FAM171A1: variants seen among roughly 807,000 people sequenced by gnomAD.
The protein encoded by FAM171A1 is protein FAM171A1.
In FAM171A1, 23 loss-of-function variants were observed where a neutral mutation model predicts 74.9. The ratio of observed to expected loss-of-function variants is 0.31; its 90% confidence interval spans 0.22 to 0.44. The LOEUF (loss-of-function observed/expected upper bound fraction) is 0.44, where lower values mean the gene tolerates loss of function less well. FAM171A1 is among the 20% of genes least tolerant of loss of function. The pLI is 1.00. For synonymous variants in FAM171A1, 527 were observed against 505.7 expected (o/e 1.04, Z -0.57); for missense variants, 1,162 against 1,159.2 (o/e 1.00, Z -0.03).
In FAM171A1 at chr10:15,359,475, C is replaced by T. The variant is rs74664481; in HGVS notation, c.97+11481G>A. Among the ~76,000 whole-genome samples the T allele has an allele frequency of 4.3e-3, 649 of 152,198 alleles. 2 individuals are homozygous for T. Among genetic ancestry groups the T allele is most frequent in the African/African-American group, 0.015 (611 of 41,514 alleles). On this transcript the variant is annotated intron_variant, in intron 1 of 7. Transcript: ENST00000378116. ...TCCTCCTTCTCAACATCCTCAAGGG[C>T]AGAGAAATGGGCCTCCCGGTACCCT...
At chr10:15,273,270 G>A (rs1270396519) in intron 3 of FAM171A1, among the ~76,000 whole-genome samples, 1 of 152,168 alleles carries the variant, frequency 6.6e-6, no homozygotes, top group Non-Finnish European at 1.5e-5. Context: ...ACAGCTCTAT[G>A]CAAATAAACT....
intron 3 of FAM171A1, among the ~76,000 whole-genome samples, chr10:15,272,259 C>G (rs1336339736): frequency 6.6e-6 from 1 of 152,074 alleles, no homozygotes; most frequent in East Asian, 1.9e-4. Flanking sequence ...TCTGATAAAA[C>G]AGACTTTAAA....
At chr10:15,340,381 G>C (rs1835751690) in intron 1 of FAM171A1, among the ~76,000 whole-genome samples, 1 of 152,154 alleles carries the variant, frequency 6.6e-6, no homozygotes, top group Admixed American at 6.5e-5. Flanking sequence ...CTGCCTAAAA[G>C]GCTTTGCTCA....
At position 15,286,903 on chromosome 10, in the gene FAM171A1, T is replaced by C. The variant is rs190854820; in HGVS notation, c.98-2798A>G. Among the ~76,000 whole-genome samples, 111 of 152,270 alleles carry C rather than the reference T, an allele frequency of 7.3e-4. 2 individuals carry two copies. In the East Asian group the frequency reaches 0.021, roughly 29 times the overall value. The stretch of plus-strand genomic sequence containing the variant: ...TACCAAATAAATCTCTTAAAATGTT[T>C]TAGCAAGAACAAATAAATGCTACAG... On this transcript the variant is annotated intron_variant, in intron 1 of 7. Coordinates refer to ENST00000378116, the MANE Select transcript of FAM171A1 (RefSeq NM_001010924.2).
intron 3 of FAM171A1, among the ~76,000 whole-genome samples, chr10:15,266,983 C>A (rs1269594558): frequency 1.3e-5 from 2 of 152,114 alleles, no homozygotes; most frequent in East Asian, 1.9e-4. Flanking sequence ...CAGGAAGGGA[C>A]AGAAAGAACT....
At chr10:15,306,468 G>A (rs889997913) in intron 1 of FAM171A1, among the ~76,000 whole-genome samples, 8 of 151,884 alleles carry the variant, frequency 5.3e-5, no homozygotes, top group African/African-American at 9.7e-5. Context: ...GGGTTCAAGC[G>A]ATTCTCCTGA....
chr10:15,360,663 C>T (rs570156424), intron 1 of FAM171A1, among the ~76,000 whole-genome samples: 1 of 152,220 alleles, frequency 6.6e-6, no homozygotes, highest in African/African-American at 2.4e-5. Flanking sequence ...AGTTATCACA[C>T]GGATAAGCAG....
intron 5 of FAM171A1, among the ~76,000 whole-genome samples, chr10:15,224,843 C>T (rs1477875644): frequency 1.3e-5 from 2 of 152,080 alleles, no homozygotes; most frequent in African/African-American, 4.8e-5. Flanking sequence ...TAATACAGTC[C>T]CCAACCCCCT....
Position 15,371,255 on chromosome 10 carries a change from G to A in FAM171A1, c.-203C>T, listed in dbSNP as rs1422211393. 6.9e-6 allele frequency among the ~76,000 whole-genome samples: 1 copy of A among 143,994 alleles called. No homozygotes were observed. Among genetic ancestry groups the A allele is most frequent in the Non-Finnish European group, 1.5e-5 (1 of 65,050 alleles). 94.5% of individuals were successfully genotyped at this position (143,994 alleles called of 152,430 possible). ...TTCCCCGAAGAGCCGCGGCGGCGGC[G>A]GCGGCGGCGGCTGCTGCTGCTCCGC... On this transcript the variant is annotated 5_prime_UTR_variant, in exon 1 of 8. Transcript: ENST00000378116.
chr10:15,317,503 T>G (rs542364858), intron 1 of FAM171A1, among the ~76,000 whole-genome samples: 1 of 152,180 alleles, frequency 6.6e-6, no homozygotes, highest in African/African-American at 2.4e-5. Flanking sequence ...CAAGCGACTC[T>G]CCTGCCTCAG....
intron 1 of FAM171A1, among the ~76,000 whole-genome samples, chr10:15,334,570 T>G (rs1205395858): frequency 6.6e-6 from 1 of 152,072 alleles, no homozygotes; most frequent in Non-Finnish European, 1.5e-5. Context: ...TCAACATGGG[T>G]TTCCCAAACT....
chr10:15,328,861 G>A (rs896095957), intron 1 of FAM171A1, among the ~76,000 whole-genome samples: 4 of 152,112 alleles, frequency 2.6e-5, no homozygotes, highest in Non-Finnish European at 5.9e-5. Context: ...CTCACTATCA[G>A]TATGGACATC....
intron 1 of FAM171A1, among the ~76,000 whole-genome samples, chr10:15,355,151 C>G: frequency 6.6e-6 from 1 of 152,228 alleles, no homozygotes; most frequent in South Asian, 2.1e-4. Flanking sequence ...GTGGCAGAAT[C>G]ATGGTTCACT....
At position 15,284,044 on chromosome 10, in the gene FAM171A1, G is replaced by A. The variant is rs3740127; in HGVS notation, c.159C>T (p.Leu53=). The A allele has an allele frequency of 9.1e-4, 1,465 of 1,614,026 alleles. 69 individuals carry two copies. In the East Asian group the frequency reaches 0.032, roughly 35 times the overall value. The change falls in exon 2 of 8, where the codon CTC becomes CTT. Residue 53 remains leucine, a synonymous_variant. Transcript: ENST00000378116. ...AGGCCTGGTTGGTGAAGATCTCGAT[G>A]AGCGCATCTGCTACGGGCTGGTGGG... The part of the protein sequence containing the change: ...ASTHQPVADA[L]IEIFTNQASI...
rs529830750 is a variant in FAM171A1 at position 15,213,962 on chromosome 10, C to T, written c.1626G>A (p.Ser542=). The change falls in exon 8 of 8, where the codon TCG becomes TCA. Residue 542 remains serine (S), a synonymous_variant. Coordinates refer to ENST00000378116, the MANE Select transcript of FAM171A1 (RefSeq NM_001010924.2). The surrounding 1 kb of genome is among the most constrained non-coding windows in gnomAD (Gnocchi z 6.8). ...LDRRPTECMM[S]RSVDHLERPT... ...GTCTCTCGAGGTGATCTACTGATCG[C>T]GACATCATACATTCAGTGGGTCTGC... 2.5e-6 allele frequency: 4 copies of T among 1,614,156 alleles called. No homozygotes were observed. Among genetic ancestry groups the T allele is most frequent in the South Asian group, 2.2e-5 (2 of 91,088 alleles).
chr10:15,225,024 T>A (rs907083044), intron 5 of FAM171A1, among the ~76,000 whole-genome samples: 1 of 152,224 alleles, frequency 6.6e-6, no homozygotes, highest in African/African-American at 2.4e-5. Flanking sequence ...CTAGGACACA[T>A]GGGTCTTCCG....
chr10:15,320,324 T>A (rs1835471957), intron 1 of FAM171A1, among the ~76,000 whole-genome samples: 1 of 152,236 alleles, frequency 6.6e-6, no homozygotes, highest in Non-Finnish European at 1.5e-5. Flanking sequence ...GGCTGCATAG[T>A]ATTCCATGGC....
intron 3 of FAM171A1, among the ~76,000 whole-genome samples, chr10:15,266,782 T>C (rs534105288): frequency 2.0e-5 from 3 of 151,180 alleles, no homozygotes; most frequent in African/African-American, 4.9e-5. Context: ...GGTGAAAGGA[T>C]TGCTTGAGTC....
intron 4 of FAM171A1, among the ~76,000 whole-genome samples, chr10:15,252,322 C>T (rs1034333361): frequency 3.3e-5 from 5 of 152,300 alleles, no homozygotes; most frequent in African/African-American, 1.2e-4. Flanking sequence ...AACAGCCTTT[C>T]GGAGCCCTTT....
Sources: allele counts gnomAD v4.1 joint callset (sites outside exome capture counted in the v4.1 genomes callset), GRCh38; gene constraint gnomAD v4.1.1; non-coding constraint Gnocchi (gnomAD v3.1); transcripts MANE v1.5; gene names NCBI Gene and HGNC (gene_info 2026-07-23, HGNC 2026-07-21).